MTERF4: variants seen among roughly 807,000 people sequenced by gnomAD.
MTERF4 encodes transcription termination factor 4, mitochondrial.
Under a neutral mutation model 22.5 loss-of-function variants are expected in MTERF4, and 17 were observed. That is an observed-to-expected ratio of 0.75 (90% CI 0.52 to 1.13). The LOEUF (loss-of-function observed/expected upper bound fraction) is 1.13. Ranked by LOEUF, MTERF4 falls within the 50% of genes most tolerant of loss-of-function variation. MTERF4 has a pLI of 0.00. For missense variants in MTERF4, 420 were observed against 466.8 expected, an observed-to-expected ratio of 0.90 and a Z score of 0.92; for synonymous variants, 165 against 175.3, an observed-to-expected ratio of 0.94 and a Z score of 0.47.
downstream of MTERF4, chr2:241,068,931 G>A (rs777704963): frequency 7.7e-6 from 12 of 1,553,466 alleles, no homozygotes; most frequent in African/African-American, 1.5e-4. This position sits in a 1 kb window ranked among gnomAD's most constrained non-coding sequence, Gnocchi z 5.3. Flanking sequence ...CCTGGGAAGA[G>A]GTACACCATC....
chr2:241,065,470 G>A, the MTERF4 span: 14 of 1,612,866 alleles, frequency 8.7e-6, no homozygotes, highest in African/African-American at 1.2e-4. Context: ...GACAGGACCC[G>A]CTCCTCGCAC....
chr2:241,083,297 G>A (rs1255233591), downstream of MTERF4, among the ~76,000 whole-genome samples: 1 of 152,144 alleles, frequency 6.6e-6, no homozygotes, highest in Non-Finnish European at 1.5e-5. Context: ...TGGCATGTTG[G>A]GGGAGAAGTG....
chr2:241,067,065 A>G, the MTERF4 span, among the ~76,000 whole-genome samples: 1 of 152,230 alleles, frequency 6.6e-6, no homozygotes, highest in Non-Finnish European at 1.5e-5. Flanking sequence ...AGCACCTGCA[A>G]GGCCGCCCCA....
Position 241,073,595 on chromosome 2 carries a change from C to T in MTERF4, n.2567G>A. On this transcript the variant is annotated non_coding_transcript_exon_variant, in exon 5 of 5. Coordinates refer to the MTERF4 transcript ENST00000464344. This position sits in a 1 kb window ranked among gnomAD's most constrained non-coding sequence, Gnocchi z 6.6. ...GGCCAGGGGGCAGGACCCACCCAAA[C>T]CACCCAGAGTCTGAGCTAGAGAGAC... 1.7e-6 allele frequency: 1 copy of T among 588,948 alleles called. No individual in the cohort carries two copies. Among genetic ancestry groups the T allele is most frequent in the Non-Finnish European group, 3.0e-6 (1 of 328,038 alleles). 36.5% of individuals were successfully genotyped at this position (588,948 alleles called of 1,614,324 possible).
chr2:241,096,544 G>A lies in MTERF4; in HGVS notation c.706-106C>T, dbSNP rs2064436342. 2 of 1,279,306 alleles carry A rather than the reference G, an allele frequency of 1.6e-6. No homozygotes were observed. Among genetic ancestry groups the A allele is most frequent in the African/African-American group, 2.9e-5 (2 of 68,180 alleles). The allele number at this position is 1,279,306 out of a possible 1,614,324, so 79.2% of individuals were successfully genotyped here. ...TGTACAAAAGGATTCAAAAAGAATT[G>A]CCTAATTGACAACAGCGAATACCCA... On this transcript the variant is annotated intron_variant, in intron 3 of 3. Transcript: ENST00000391980. The surrounding 1 kb of genome is among the most constrained non-coding windows in gnomAD (Gnocchi z 5.1).
Position 241,097,310 on chromosome 2 carries a change from G to T in MTERF4, c.638C>A (p.Thr213Asn). ...AGAGGGGCAACTGTGCAAAATCTTG[G>T]TGACTTGCTGTACCGTGAAAAGGCA... The part of the protein sequence containing the change: ...EKCLFTVQQV[T>N]KILHSCPSVL... Residue 213 changes from threonine to asparagine, a missense_variant, in exon 3 of 4, where the codon ACC becomes AAC. Transcript: ENST00000391980. 2 of 1,614,192 alleles carry T rather than the reference G, an allele frequency of 1.2e-6. No homozygotes were observed. Among genetic ancestry groups the T allele is most frequent in the Non-Finnish European group, 1.7e-6 (2 of 1,180,042 alleles).
At chr2:241,050,029 C>G in the MTERF4 span, 1 of 916,814 alleles carries the variant, frequency 1.1e-6, no homozygotes, top group Non-Finnish European at 1.8e-6. Context: ...CCTTGTTTCG[C>G]GAATTGCTGA....
At chr2:241,067,091 C>T in the MTERF4 span, among the ~76,000 whole-genome samples, 514 of 152,316 alleles carry the variant, frequency 3.4e-3, 4 homozygotes, top group Non-Finnish European at 3.9e-3. Context: ...GATCTGCCCT[C>T]GGAAGGTATC....
At chr2:241,063,347 G>A in the MTERF4 span, 45 of 555,308 alleles carry the variant, frequency 8.1e-5, no homozygotes, top group Non-Finnish European at 1.3e-4. Flanking sequence ...CTCCCATTGC[G>A]GAGTGGCCTG....
chr2:241,102,085 T>C, intron 1 of MTERF4, 168 bp downstream of exon 1: 3 of 827,078 alleles, frequency 3.6e-6, no homozygotes, highest in Non-Finnish European at 5.7e-6. Context: ...TATCCCACAA[T>C]AATTGAGCAG....
the MTERF4 span, among the ~76,000 whole-genome samples, chr2:241,056,917 C>T: frequency 9.4e-3 from 1,430 of 152,212 alleles, 9 homozygotes; most frequent in Non-Finnish European, 0.013. Flanking sequence ...CATCAGAGAT[C>T]TGTGGGACAA....
the MTERF4 span, chr2:241,064,841 C>T: frequency 1.3e-6 from 2 of 1,581,458 alleles, no homozygotes; most frequent in South Asian, 1.2e-5. This position sits in a 1 kb window ranked among gnomAD's most constrained non-coding sequence, Gnocchi z 7.0. Context: ...TTTCTCCCCT[C>T]AGTGAGTGAC....
the MTERF4 span, among the ~76,000 whole-genome samples, chr2:241,050,256 C>A: frequency 6.6e-6 from 1 of 152,330 alleles, no homozygotes; most frequent in Non-Finnish European, 1.5e-5. Context: ...TAGGATTTTG[C>A]TCAATCTAAT....
chr2:241,068,789 C>A (rs2062578010), downstream of MTERF4: 3 of 674,612 alleles, frequency 4.4e-6, no homozygotes, highest in Non-Finnish European at 7.7e-6. This position sits in a 1 kb window ranked among gnomAD's most constrained non-coding sequence, Gnocchi z 5.3. Flanking sequence ...GTTGCCTGGG[C>A]CACCAGCAGC....
chr2:241,051,802 G>A, the MTERF4 span: 86 of 1,561,332 alleles, frequency 5.5e-5, no homozygotes, highest in Middle Eastern at 3.3e-4. The surrounding 1 kb of genome is among the most constrained non-coding windows in gnomAD (Gnocchi z 4.7). Flanking sequence ...GCAAGGAGGC[G>A]GGCGGCGAGT....
intron 4 of MTERF4, among the ~76,000 whole-genome samples, chr2:241,078,735 T>C (rs538270237): frequency 1.4e-4 from 22 of 152,020 alleles, no homozygotes; most frequent in Admixed American, 1.1e-3. Context: ...TGCCTGTATC[T>C]GTGAATATGC....
At chr2:241,085,860 C>CTTTTTTTTTTTT (rs772995766), downstream of MTERF4, among the ~76,000 whole-genome samples, 4 of 79,190 alleles carry the variant, frequency 5.1e-5, no homozygotes, top group Non-Finnish European at 4.8e-5. Context: ...TCTGCGGTTT[C>CTTTTTTTTTTTT]TTTTTTTTTT....
intron 4 of MTERF4, chr2:241,081,837 T>C (rs553201583): frequency 1.4e-6 from 2 of 1,418,956 alleles, no homozygotes; most frequent in African/African-American, 2.8e-5. Context: ...CAACACAGCC[T>C]GTGCCTCAGC....
the MTERF4 span, among the ~76,000 whole-genome samples, chr2:241,057,412 TGCC>T: frequency 8.5e-5 from 11 of 129,316 alleles, no homozygotes; most frequent in East Asian, 2.6e-4. Context: ...TATATATATA[TGCC>T]ATACGCAGTG....
Sources: allele counts gnomAD v4.1 joint callset (sites outside exome capture counted in the v4.1 genomes callset), GRCh38; gene constraint gnomAD v4.1.1; non-coding constraint Gnocchi (gnomAD v3.1); transcripts MANE v1.5; gene names NCBI Gene and HGNC (gene_info 2026-07-23, HGNC 2026-07-21).